WFDC11: variants seen among roughly 807,000 people sequenced by gnomAD.
The protein encoded by WFDC11 is protein WFDC11.
A neutral mutation model predicts 9.9 loss-of-function variants in WFDC11; 9 were observed. The ratio of observed to expected loss-of-function variants is 0.91; its 90% CI spans 0.55 to 1.58. The LOEUF (loss-of-function observed/expected upper bound fraction) is 1.58. Ranked by LOEUF, WFDC11 falls within the 40% of genes most tolerant of loss-of-function variation. The probability of loss-of-function intolerance (pLI) is 0.00; values close to 1 mark genes in which losing one functional copy is unlikely to be tolerated. For missense variants in WFDC11, 106 were observed against 101.7 expected (o/e 1.04, Z -0.18); for synonymous variants, 32 against 33.3 (o/e 0.96, Z 0.13).
intron 2 of WFDC11, among the ~76,000 whole-genome samples, chr20:45,654,983 AG>A (rs1982892525): frequency 6.6e-6 from 1 of 152,220 alleles, no homozygotes; most frequent in East Asian, 1.9e-4. Flanking sequence ...ATGGATTCAC[AG>A]CCAAATTCTA....
intron 2 of WFDC11, among the ~76,000 whole-genome samples, chr20:45,656,204 C>T (rs1982927189): frequency 6.6e-6 from 1 of 150,850 alleles, no homozygotes; most frequent in Non-Finnish European, 1.5e-5. Flanking sequence ...CTACAGTAAC[C>T]AAAACAGCAT....
intron 3 of WFDC11, among the ~76,000 whole-genome samples, chr20:45,650,211 T>TAC (rs142774065): frequency 0.32 from 48,857 of 150,376 alleles, 7,918 homozygotes; most frequent in South Asian, 0.45. Context: ...ATGGTATATA[T>TAC]ACACACACAC....
intron 2 of WFDC11, among the ~76,000 whole-genome samples, chr20:45,660,159 G>A (rs1197195279): frequency 6.6e-6 from 1 of 152,124 alleles, no homozygotes. Flanking sequence ...TTAGGGGTAT[G>A]AACTTTCCTG....
At chr20:45,662,125 G>A (rs1179877415) in intron 2 of WFDC11, among the ~76,000 whole-genome samples, 1 of 152,036 alleles carries the variant, frequency 6.6e-6, no homozygotes, top group Admixed American at 6.5e-5. Context: ...CCTTGAAGAG[G>A]TCCTTCACGT....
At chr20:45,650,281 T>G (rs1362899066) in intron 3 of WFDC11, among the ~76,000 whole-genome samples, 4 of 151,634 alleles carry the variant, frequency 2.6e-5, no homozygotes, top group East Asian at 1.9e-4. Flanking sequence ...GAGAGAGAGA[T>G]AGACAGATAT....
intron 2 of WFDC11, among the ~76,000 whole-genome samples, chr20:45,666,389 G>A (rs374524709): frequency 3.3e-5 from 5 of 152,176 alleles, no homozygotes; most frequent in African/African-American, 4.8e-5. Context: ...CAGGTGAGGC[G>A]ACACCCCACC....
chr20:45,667,715 T>A (rs1335369358), intron 1 of WFDC11, among the ~76,000 whole-genome samples: 3 of 152,196 alleles, frequency 2.0e-5, no homozygotes, highest in Non-Finnish European at 2.9e-5. Context: ...TCACTAATCA[T>A]CTCTGTGCCT....
intron 2 of WFDC11, among the ~76,000 whole-genome samples, chr20:45,656,038 A>C (rs1040132086): frequency 7.2e-5 from 11 of 152,146 alleles, no homozygotes; most frequent in African/African-American, 9.7e-5. Flanking sequence ...AATGCCATCC[A>C]CATCAAGCTA....
At chr20:45,665,936 G>A (rs1983179225) in intron 2 of WFDC11, among the ~76,000 whole-genome samples, 1 of 152,216 alleles carries the variant, frequency 6.6e-6, no homozygotes, top group African/African-American at 2.4e-5. Context: ...CATGCTGGGA[G>A]AACCACTGCT....
chr20:45,659,905 G>A (rs1259118934), intron 2 of WFDC11, among the ~76,000 whole-genome samples: 1 of 152,134 alleles, frequency 6.6e-6, no homozygotes, highest in Non-Finnish European at 1.5e-5. Context: ...GTTAAGAAAA[G>A]GATCCAGTTT....
rs151139341 is a variant in WFDC11, at chr20:45,653,169, A to T, written c.-51-2518T>A. ...AAATCAAGGAAAAAATGTTAAGGGC[A>T]GCAAGAGAGAAAGGTCGGGTTACCC... On this transcript the variant is annotated intron_variant, in intron 2 of 4. Coordinates refer to ENST00000324384, the MANE Select transcript of WFDC11 (RefSeq NM_147197.2). Among the ~76,000 whole-genome samples the T allele has an allele frequency of 5.5e-3, 841 of 152,312 alleles. 6 individuals are homozygous for T. Among genetic ancestry groups the T allele is most frequent in the African/African-American group, 0.019 (807 of 41,572 alleles).
intron 2 of WFDC11, among the ~76,000 whole-genome samples, chr20:45,654,690 CT>C (rs1982884054): frequency 6.6e-6 from 1 of 151,900 alleles, no homozygotes; most frequent in South Asian, 2.1e-4. Context: ...GCTAGCAAGA[CT>C]AATAAAGAAG....
At position 45,670,190 on chromosome 20, in the gene WFDC11, G is replaced by T. The variant is rs970038457; in HGVS notation, c.-146C>A. ...AAAAAAAACTTACCAACCAGAAAAG[G>T]CCCTGGACCAGATGGATTCACAGCC... On this transcript the variant is annotated 5_prime_UTR_variant, in exon 1 of 5. Transcript: ENST00000324384. 6.6e-6 allele frequency: 1 copy of T among 151,684 alleles called. No individual in the cohort carries two copies. Among genetic ancestry groups the T allele is most frequent in the African/African-American group, 2.4e-5 (1 of 41,252 alleles). 9.4% of individuals were successfully genotyped at this position (151,684 alleles called of 1,614,324 possible). A position where few individuals can be genotyped will look rare whatever the true frequency, so the allele number is the denominator to read the frequency against.
chr20:45,665,405 A>C (rs1183064773), intron 2 of WFDC11, among the ~76,000 whole-genome samples: 3 of 152,152 alleles, frequency 2.0e-5, no homozygotes, highest in Non-Finnish European at 2.9e-5. Flanking sequence ...GACCTTCTGA[A>C]GCCTACTTCT....
chr20:45,649,294 C>G lies in WFDC11; in HGVS notation c.206G>C (p.Cys69Ser), dbSNP rs1982750142. The G allele has an allele frequency of 1.9e-6, 3 of 1,613,976 alleles. No individual in the cohort carries two copies. Among genetic ancestry groups the G allele is most frequent in the Non-Finnish European group, 2.5e-6 (3 of 1,180,028 alleles). ...GCAGATGTTTCCACAATAGGTCCAG[C>G]AGCATGTGTAATTTTTGTCTTTACA... ...FRCKDKNYTCCWTYCGNICWI... is the reference protein window; with the variant it reads ...FRCKDKNYTCSWTYCGNICWI... The change falls in exon 4 of 5, where the codon TGC becomes TCC. Residue 69 changes from cysteine to serine, a missense_variant. Physicochemically the swap from Cys to Ser is moderately radical, Grantham distance 112. Transcript: ENST00000324384.
At chr20:45,649,152 C>T (rs1982747282) in intron 4 of WFDC11, 105 bp downstream of exon 4, 4 of 1,362,546 alleles carry the variant, frequency 2.9e-6, no homozygotes, top group Non-Finnish European at 4.0e-6. Context: ...TATTTTTGTA[C>T]CTAGAATTTG....
intron 2 of WFDC11, among the ~76,000 whole-genome samples, chr20:45,658,907 A>ACC (rs373884229): frequency 0.024 from 3,101 of 130,940 alleles, 83 homozygotes; most frequent in African/African-American, 0.072. Context: ...TGTGATGCCC[A>ACC]CCCCCCCGTC....
chr20:45,661,836 TG>T (rs1236656607), intron 2 of WFDC11, among the ~76,000 whole-genome samples: 1 of 152,224 alleles, frequency 6.6e-6, no homozygotes, highest in African/African-American at 2.4e-5. Context: ...TAGTATAGTT[TG>T]AAGTCAGGTA....
intron 2 of WFDC11, among the ~76,000 whole-genome samples, chr20:45,656,724 T>C (rs1568662314): frequency 6.6e-6 from 1 of 151,952 alleles, no homozygotes; most frequent in Admixed American, 6.6e-5. Flanking sequence ...TACAAAGAAC[T>C]CAAACAAATT....
Sources: allele counts gnomAD v4.1 joint callset (sites outside exome capture counted in the v4.1 genomes callset), GRCh38; gene constraint gnomAD v4.1.1; transcripts MANE v1.5; gene names NCBI Gene and HGNC (gene_info 2026-07-23, HGNC 2026-07-21).